Variants in TRIM9 observed in about 807,000 individuals in gnomAD.
The protein encoded by TRIM9 is tripartite motif containing 9.
In TRIM9, 26 loss-of-function variants were observed where a neutral mutation model predicts 78.3. The observed-to-expected ratio is 0.33, with a 90% CI of 0.24 to 0.46. The LOEUF (loss-of-function observed/expected upper bound fraction) is 0.46. TRIM9 is among the 20% of genes least tolerant of loss of function. The pLI is 1.00. For synonymous variants in TRIM9, 398 were observed against 416.5 expected (o/e 0.96, Z 0.54); for missense variants, 787 against 1,036.4 (o/e 0.76, Z 3.30).
In TRIM9 at chr14:51,003,826, C is replaced by T. The variant is rs868659821; in HGVS notation, c.1307-2986G>A. On this transcript the variant is annotated intron_variant, in intron 5 of 12. Transcript: ENST00000684578. ...CTCCATGTGCTGAGAATTAGTTTTC[C>T]GTTTTCCTTATTTACCCCCAGTGAT... 3.3e-5 allele frequency among the ~76,000 whole-genome samples: 5 copies of T among 152,092 alleles called. No homozygotes were observed. In the South Asian group the frequency reaches 6.2e-4, roughly 19 times the overall value.
intron 11 of TRIM9, among the ~76,000 whole-genome samples, chr14:50,980,280 G>T (rs1176489813): frequency 6.6e-6 from 1 of 152,154 alleles, no homozygotes; most frequent in Non-Finnish European, 1.5e-5. Context: ...GCATACAAAT[G>T]CCATTTTACA....
At chr14:51,006,668 A>G (rs1019618019) in intron 5 of TRIM9, among the ~76,000 whole-genome samples, 3 of 152,232 alleles carry the variant, frequency 2.0e-5, no homozygotes, top group African/African-American at 4.8e-5. Flanking sequence ...AAAGAAAATG[A>G]AAATGGAAGA....
intron 1 of TRIM9, among the ~76,000 whole-genome samples, chr14:51,087,711 C>T (rs947320656): frequency 1.3e-5 from 2 of 152,194 alleles, no homozygotes; most frequent in Admixed American, 1.3e-4. Flanking sequence ...ATGCATTAAA[C>T]AAGCATTTAC....
At chr14:51,024,358 T>C (rs1435434632) in intron 2 of TRIM9, among the ~76,000 whole-genome samples, 1 of 152,152 alleles carries the variant, frequency 6.6e-6, no homozygotes, top group East Asian at 1.9e-4. Context: ...ATCAAAAGTT[T>C]AACATGGGCA....
At chr14:51,050,795 A>C (rs2060353670) in intron 1 of TRIM9, among the ~76,000 whole-genome samples, 2 of 147,570 alleles carry the variant, frequency 1.4e-5, no homozygotes, top group East Asian at 2.0e-4. Flanking sequence ...TCTCCCTCCC[A>C]TTTCTTCTCC....
chr14:51,041,360 C>T (rs1449357066), intron 1 of TRIM9, among the ~76,000 whole-genome samples: 4 of 152,232 alleles, frequency 2.6e-5, no homozygotes, highest in Non-Finnish European at 2.9e-5. Flanking sequence ...CTGAAGCTGC[C>T]GCTAACATCA....
intron 5 of TRIM9, among the ~76,000 whole-genome samples, chr14:51,002,607 T>C (rs1855842335): frequency 6.6e-6 from 1 of 152,340 alleles, no homozygotes; most frequent in East Asian, 1.9e-4. Context: ...TGTACCAAAA[T>C]TGGACTCTGT....
At chr14:51,009,323 C>T in intron 4 of TRIM9, 90 bp from the exon 5 acceptor site, 1 of 1,521,382 alleles carries the variant, frequency 6.6e-7, no homozygotes, top group Non-Finnish European at 8.9e-7. Flanking sequence ...AGCATTACTC[C>T]CAAACTGCCT....
chr14:51,088,201 A>C (rs1426864158), intron 1 of TRIM9, among the ~76,000 whole-genome samples: 1 of 152,234 alleles, frequency 6.6e-6, no homozygotes, highest in African/African-American at 2.4e-5. Flanking sequence ...CAAGAAATGA[A>C]TAACAATTAC....
At chr14:51,084,435 C>T (rs139141671) in intron 1 of TRIM9, among the ~76,000 whole-genome samples, 1 of 152,296 alleles carries the variant, frequency 6.6e-6, no homozygotes, top group Non-Finnish European at 1.5e-5. Flanking sequence ...CCGGATGACA[C>T]AAGGTAGTGT....
Position 51,094,611 on chromosome 14 carries a change from G to A in TRIM9, c.329C>T (p.Ala110Val), listed in dbSNP as rs2064759700. Residue 110 changes from alanine to valine, a missense_variant, in exon 1 of 13, where the codon GCC (alanine) becomes GTC (valine). Coordinates refer to ENST00000684578, the MANE Select transcript of TRIM9 (RefSeq NM_001387360.1). ...RVFPPAMPPP[A>V]THLSPALAPV... ...GGCCAGGGCCGGTGACAAGTGGGTGGCCGGTGGCGGCATAGCCGGGGGAAA... is the reference window on the plus strand; with the variant it reads ...GGCCAGGGCCGGTGACAAGTGGGTGACCGGTGGCGGCATAGCCGGGGGAAA... 6.2e-7 allele frequency: 1 copy of A among 1,609,346 alleles called. No homozygotes were observed. Among genetic ancestry groups the A allele is most frequent in the African/African-American group, 1.3e-5 (1 of 75,000 alleles).
At chr14:51,040,591 G>A (rs1194165935) in intron 1 of TRIM9, among the ~76,000 whole-genome samples, 1 of 152,228 alleles carries the variant, frequency 6.6e-6, no homozygotes, top group African/African-American at 2.4e-5. Context: ...ACTCTGAGAA[G>A]TGTCCTGCTT....
At chr14:51,022,755 G>A (rs2057878103) in intron 3 of TRIM9, 80 bp downstream of exon 3, 2 of 1,577,080 alleles carry the variant, frequency 1.3e-6, no homozygotes, top group Non-Finnish European at 8.6e-7. Flanking sequence ...CCATGGGAAG[G>A]AATTCTCCCA....
At chr14:50,997,348 C>T in intron 7 of TRIM9, 3 of 985,246 alleles carry the variant, frequency 3.0e-6, no homozygotes, top group Non-Finnish European at 3.6e-6. Context: ...TAGAGATGAA[C>T]CTTGTATGGT....
At chr14:51,032,246 C>CA (rs2058794093) in intron 1 of TRIM9, among the ~76,000 whole-genome samples, 1 of 152,208 alleles carries the variant, frequency 6.6e-6, no homozygotes, top group African/African-American at 2.4e-5. Context: ...GGATAGACTT[C>CA]AAAGTCAGAT....
At chr14:51,083,431 A>T (rs5012096) in intron 1 of TRIM9, among the ~76,000 whole-genome samples, 21,592 of 150,236 alleles carry the variant, frequency 0.14, 1,817 homozygotes, top group Admixed American at 0.26. Context: ...ATTAAAAAAA[A>T]TTTTTTTTTT....
intron 1 of TRIM9, among the ~76,000 whole-genome samples, chr14:51,076,346 C>A (rs1391538873): frequency 6.6e-6 from 1 of 152,160 alleles, no homozygotes; most frequent in African/African-American, 2.4e-5. Context: ...ATTTTGTCTC[C>A]CAGACCTCCT....
At position 50,996,675 on chromosome 14, in the gene TRIM9, C is replaced by T. The variant is rs952159046; in HGVS notation, c.1603+1375G>A. On this transcript the variant is annotated intron_variant, in intron 7 of 12. Coordinates refer to ENST00000684578, the MANE Select transcript of TRIM9 (RefSeq NM_001387360.1). Reference sequence around the variant, plus strand: ...AGGAAAGACTCTTGGAGGGCTTTAGCAGTTAGTATGGTATTTTGAGAAAAG... The same window carrying T: ...AGGAAAGACTCTTGGAGGGCTTTAGTAGTTAGTATGGTATTTTGAGAAAAG... 106 of 985,250 alleles carry T rather than the reference C, an allele frequency of 1.1e-4. 1 individual carries two copies. The highest frequency in any genetic ancestry group is 3.4e-5 in the Non-Finnish European group (28 of 829,930). 61.0% of individuals were successfully genotyped at this position (985,250 alleles called of 1,614,324 possible). A position where few individuals can be genotyped will look rare whatever the true frequency, so the allele number is the denominator to read the frequency against.
chr14:51,007,162 C>A (rs1170671340), intron 5 of TRIM9, among the ~76,000 whole-genome samples: 2 of 152,144 alleles, frequency 1.3e-5, no homozygotes, highest in Non-Finnish European at 2.9e-5. Context: ...ATTGGGTTAG[C>A]TCATTTTTTC....
Sources: gnomAD v4.1 joint callset for allele counts (sites outside exome capture counted in the v4.1 genomes callset) on GRCh38, gnomAD v4.1.1 for gene constraint, MANE v1.5 for transcripts, NCBI Gene and HGNC (gene_info 2026-07-23, HGNC 2026-07-21) for gene names.